Variants in DRD3 observed in about 807,000 individuals in gnomAD.
DRD3 encodes dopamine receptor D3, also known as D(3) dopamine receptor.
A neutral mutation model predicts 36.3 loss-of-function variants in DRD3; 19 were observed. That is an observed-to-expected ratio of 0.52 (90% confidence interval 0.36 to 0.77). The LOEUF is 0.77. Ranked by LOEUF, DRD3 falls within the 30% of genes least tolerant of loss-of-function variation. The probability of loss-of-function intolerance (pLI) is 0.00; values close to 1 mark genes in which losing one functional copy is unlikely to be tolerated. For missense variants in DRD3, 465 were observed against 505.3 expected (o/e 0.92, Z 0.77); for synonymous variants, 195 against 203.7 (o/e 0.96, Z 0.36).
At chr3:114,198,911 A>T (rs2078050721) in intron 1 of DRD3, among the ~76,000 whole-genome samples, 1 of 152,082 alleles carries the variant, frequency 6.6e-6, no homozygotes, top group South Asian at 2.1e-4. Context: ...AGCTAATTTT[A>T]AAAATATATA....
intron 4 of DRD3, among the ~76,000 whole-genome samples, chr3:114,145,069 T>C (rs1214914932): frequency 6.6e-6 from 1 of 151,760 alleles, no homozygotes; most frequent in African/African-American, 2.4e-5. Context: ...GGTGTGTCTG[T>C]GAGAGTGAAT....
At chr3:114,153,267 T>A (rs1273885329) in intron 3 of DRD3, among the ~76,000 whole-genome samples, 1 of 186 alleles carries the variant, frequency 5.4e-3, no homozygotes, top group Non-Finnish European at 0.014. Flanking sequence ...CTGTAAACCT[T>A]TTTTTTTTTT....
intron 2 of DRD3, among the ~76,000 whole-genome samples, chr3:114,163,542 A>G (rs1188030633): frequency 6.6e-6 from 1 of 152,168 alleles, no homozygotes; most frequent in African/African-American, 2.4e-5. Context: ...TTATATTACC[A>G]TTACTCTTCC....
At chr3:114,137,971 C>T (rs1378092666) in intron 5 of DRD3, among the ~76,000 whole-genome samples, 1 of 131,532 alleles carries the variant, frequency 7.6e-6, no homozygotes, top group Non-Finnish European at 1.5e-5. Flanking sequence ...GCACTCCCGC[C>T]TGGGCCACAG....
At chr3:114,181,103 C>T (rs1202042349), upstream of DRD3, among the ~76,000 whole-genome samples, 4 of 152,214 alleles carry the variant, frequency 2.6e-5, no homozygotes, top group Admixed American at 1.3e-4. Flanking sequence ...AACACATATT[C>T]TCTCTTCAAG....
chr3:114,194,294 G>A (rs901001352), intron 1 of DRD3, among the ~76,000 whole-genome samples: 1 of 151,912 alleles, frequency 6.6e-6, no homozygotes, highest in African/African-American at 2.4e-5. Flanking sequence ...GTTTGTTTTT[G>A]TTTTTTGAGA....
chr3:114,128,965 G>T (rs981107407), intron 6 of DRD3, 53 bp from the exon 7 acceptor site: 6 of 1,475,266 alleles, frequency 4.1e-6, no homozygotes, highest in Non-Finnish European at 4.5e-6. Flanking sequence ...TACTCCTTTT[G>T]TTATAACATG....
chr3:114,142,907 A>G (rs1164626756), intron 4 of DRD3, among the ~76,000 whole-genome samples: 1 of 152,162 alleles, frequency 6.6e-6, no homozygotes, highest in Non-Finnish European at 1.5e-5. Flanking sequence ...GAATGTCCCC[A>G]TTGCAGGCAG....
At chr3:114,181,092 G>A (rs531577440), upstream of DRD3, among the ~76,000 whole-genome samples, 41 of 152,280 alleles carry the variant, frequency 2.7e-4, no homozygotes, top group South Asian at 3.7e-3. Context: ...TCTGTGTTGA[G>A]AACACATATT....
chr3:114,138,767 G>A (rs1351789176), intron 5 of DRD3, among the ~76,000 whole-genome samples: 1 of 152,192 alleles, frequency 6.6e-6, no homozygotes, highest in Non-Finnish European at 1.5e-5. Context: ...TTAACATTGA[G>A]TGGAGGGGTG....
chr3:114,197,911 A>C (rs747117628), intron 1 of DRD3, among the ~76,000 whole-genome samples: 3 of 152,142 alleles, frequency 2.0e-5, no homozygotes, highest in Non-Finnish European at 2.9e-5. Flanking sequence ...CAAATTTGTC[A>C]GGCTATTCTC....
upstream of DRD3, among the ~76,000 whole-genome samples, chr3:114,181,373 A>G (rs9825563): frequency 0.36 from 54,346 of 152,064 alleles, 10,295 homozygotes; most frequent in African/African-American, 0.48. Context: ...GGGTAAATGA[A>G]GTGATCCTTT....
chr3:114,177,976 A>T (rs567183263), intron 1 of DRD3, among the ~76,000 whole-genome samples: 3 of 152,326 alleles, frequency 2.0e-5, no homozygotes, highest in African/African-American at 7.2e-5. Context: ...CTGCATTATT[A>T]TTCATGCATG....
At chr3:114,187,583 G>A (rs894196657) in intron 1 of DRD3, among the ~76,000 whole-genome samples, 11 of 152,146 alleles carry the variant, frequency 7.2e-5, no homozygotes, top group African/African-American at 1.9e-4. Context: ...TTGAAATGTG[G>A]TCATTCCCAG....
chr3:114,162,470 G>A (rs765289510), intron 2 of DRD3, among the ~76,000 whole-genome samples: 1 of 152,136 alleles, frequency 6.6e-6, no homozygotes, highest in Non-Finnish European at 1.5e-5. Context: ...CCAGAGCAGG[G>A]CCCAACCATG....
intron 5 of DRD3, among the ~76,000 whole-genome samples, chr3:114,133,352 G>A (rs1482385148): frequency 6.6e-6 from 1 of 152,170 alleles, no homozygotes. Flanking sequence ...ACGGTGTTTA[G>A]TATTTGCTTC....
Position 114,141,448 on chromosome 3 carries a change from A to ATATT in DRD3, c.527-1756_527-1753dup, listed in dbSNP as rs1310027759. Among the ~76,000 whole-genome samples, 57 of 152,318 alleles carry ATATT rather than the reference A, an allele frequency of 3.7e-4. 1 individual carries two copies. The highest frequency in any genetic ancestry group is 1.4e-3 in the African/African-American group (57 of 41,584). ...TGAGAATAAATGGTAGCTATTCTTA[A>ATATT]TATTTATTTATTTATTATTTATTAT... On this transcript the variant is annotated intron_variant, in intron 4 of 6. Coordinates refer to ENST00000383673, the MANE Select transcript of DRD3 (RefSeq NM_000796.6).
intron 2 of DRD3, among the ~76,000 whole-genome samples, chr3:114,169,101 A>G (rs2077814655): frequency 1.3e-5 from 2 of 152,032 alleles, no homozygotes; most frequent in South Asian, 4.2e-4. Flanking sequence ...CTGTACTATC[A>G]TTAGGACAAG....
chr3:114,188,580 T>C lies in DRD3; in HGVS notation c.-155-9804A>G, dbSNP rs190474677. Among the ~76,000 whole-genome samples the C allele has an allele frequency of 1.9e-3, 294 of 152,352 alleles. 2 individuals carry two copies. The highest frequency in any genetic ancestry group is 6.7e-3 in the African/African-American group (280 of 41,584). On this transcript the variant is annotated intron_variant, in intron 1 of 7. Coordinates refer to the DRD3 transcript ENST00000460779. ...ACTTGCCTCATGTTCACAATATGGC[T>C]GCACCAGCTACACGTATTCATATTC...
Sources: gnomAD v4.1 joint callset for allele counts (sites outside exome capture counted in the v4.1 genomes callset) on GRCh38, gnomAD v4.1.1 for gene constraint, MANE v1.5 for transcripts, NCBI Gene and HGNC (gene_info 2026-07-23, HGNC 2026-07-21) for gene names.